The following OBSL1 variants were observed in gnomAD, a reference collection of about 807,000 sequenced individuals.
The protein encoded by OBSL1 is obscurin like cytoskeletal adaptor 1.
OBSL1 carries 160 observed loss-of-function variants against 172.0 expected under a neutral mutation model. The ratio of observed to expected loss-of-function variants is 0.93; its 90% CI spans 0.82 to 1.06. The LOEUF is 1.06. Ranked by LOEUF, OBSL1 falls within the 50% of genes least tolerant of loss-of-function variation. The pLI, the probability that OBSL1 is intolerant of heterozygous loss-of-function variation, is 0.00. For synonymous variants in OBSL1, 1,200 were observed against 1,196.3 expected (o/e 1.00, Z -0.06); for missense variants, 2,681 against 2,715.4 (o/e 0.99, Z 0.28).
chr2:219,560,472 C>T (rs1696375061), intron 8 of OBSL1, among the ~76,000 whole-genome samples: 2 of 152,210 alleles, frequency 1.3e-5, no homozygotes, highest in Admixed American at 1.3e-4. Flanking sequence ...GCGCATGGAG[C>T]CCAGGCCTGC....
intron 14 of OBSL1, chr2:219,555,794 C>G: frequency 7.2e-7 from 1 of 1,386,698 alleles, no homozygotes; most frequent in Non-Finnish European, 9.3e-7. Context: ...GCAAAGCCGA[C>G]TTGGAAATAT....
In OBSL1 at chr2:219,562,409, G is replaced by C. The variant is rs191906065; in HGVS notation, c.2946C>G (p.Thr982=). 6.2e-7 allele frequency: 1 copy of C among 1,613,434 alleles called. No individual in the cohort carries two copies. Among genetic ancestry groups the C allele is most frequent in the Non-Finnish European group, 8.5e-7 (1 of 1,179,600 alleles). Residue 982 remains threonine (T), a synonymous_variant, in exon 8 of 21, where the codon ACC becomes ACG. Coordinates refer to ENST00000404537, the MANE Select transcript of OBSL1 (RefSeq NM_015311.3). The part of the protein sequence containing the change: ...IDDESASFTV[T]VTEPPVRIIY... The stretch of plus-strand genomic sequence containing the variant: ...GCTGGGCTGGGCCCACACCTGTGAC[G>C]GTGACAGTGAAGGAGGCCGACTCAT...
At position 219,565,366 on chromosome 2, in the gene OBSL1, C is replaced by T. The variant is rs369804546; in HGVS notation, c.2283G>A (p.Leu761=). The T allele has an allele frequency of 2.4e-5, 38 of 1,613,930 alleles. No individual in the cohort carries two copies. Among genetic ancestry groups the T allele is most frequent in the Middle Eastern group, 3.3e-4 (2 of 6,084 alleles). Residue 761 remains leucine, a synonymous_variant, in exon 6 of 21, where the codon TTG becomes TTA. Coordinates refer to ENST00000404537, the MANE Select transcript of OBSL1 (RefSeq NM_015311.3). ...TGCGCCCATCCATCTTCACCACCAG[C>T]AACTCGCTCTCCTCCACCTTCTGCC... ...KDGQKVEESE[L]LVVKMDGRKH... is the part of the protein sequence containing the mutation.
chr2:219,552,529 G>T lies in OBSL1; in HGVS notation c.5308+7C>A. 6.3e-7 allele frequency: 1 copy of T among 1,594,572 alleles called. No homozygotes were observed. ...AGGGGCCCGAAAGGGTAACCAGGCG[G>T]GCAGACCTTCCTGTCGGATGCGGAC... is the stretch of plus-strand genomic sequence containing the variant. On this transcript the variant is annotated splice_region_variant and intron_variant, in intron 18 of 20. Transcript: ENST00000404537.
Position 219,571,084 on chromosome 2 carries a change from T to C in OBSL1, c.149A>G (p.Gln50Arg). The C allele has an allele frequency of 6.8e-7, 1 of 1,469,168 alleles. No homozygotes were observed. Among genetic ancestry groups the C allele is most frequent in the South Asian group, 1.3e-5 (1 of 77,346 alleles). 91.0% of individuals were successfully genotyped at this position (1,469,168 alleles called of 1,614,324 possible). A position where few individuals can be genotyped will look rare whatever the true frequency, so the allele number is the denominator to read the frequency against. The change falls in exon 1 of 21, where the codon CAG (glutamine) becomes CGG (arginine). Residue 50 changes from glutamine (Q) to arginine (R), a missense_variant. Physicochemically the swap from Gln to Arg is conservative, Grantham distance 43 (BLOSUM62 1). Coordinates refer to ENST00000404537, the MANE Select transcript of OBSL1 (RefSeq NM_015311.3). ...CAGGCGTTCCGAGGCCGCCAGCTGC[T>C]GCCCGCCCTTCTCCCACACCACTAC... Reference protein sequence around the residue: ...PPVVVWEKGGQQLAASERLSF... With the variant: ...PPVVVWEKGGRQLAASERLSF...
chr2:219,549,847 G>A (rs374243531), downstream of OBSL1: 47 of 1,613,844 alleles, frequency 2.9e-5, no homozygotes, highest in African/African-American at 9.3e-5. Flanking sequence ...CCCCCAGTGC[G>A]GGTATAGCCA....
downstream of OBSL1, chr2:219,547,615 TG>T: frequency 6.6e-7 from 1 of 1,511,590 alleles, no homozygotes; most frequent in Non-Finnish European, 8.9e-7. Flanking sequence ...AGCTGAGTGC[TG>T]GGGCGAGCGC....
rs764291381 is a variant in OBSL1 at position 219,551,585 on chromosome 2, C to T, written c.5627G>A (p.Gly1876Asp). 1 of 1,607,992 alleles carries T rather than the reference C, an allele frequency of 6.2e-7. No homozygotes were observed. The highest frequency in any genetic ancestry group is 1.1e-5 in the South Asian group (1 of 89,730). Reference protein sequence around the residue: ...VIHDVRPEDQGTYCCQAGQDS... With the variant: ...VIHDVRPEDQDTYCCQAGQDS... ...CTGGCCGGCCTGGCAGCAGTAAGTG[C>T]CTTGGTCCTCAGGTCGAACGTCATG... is the stretch of plus-strand genomic sequence containing the variant. The change falls in exon 20 of 21, where the codon GGC (glycine) becomes GAC (aspartate). Residue 1876 changes from glycine (G) to aspartate (D), a missense_variant. Transcript: ENST00000404537.
chr2:219,566,840 G>C lies in OBSL1; in HGVS notation c.2124C>G (p.Leu708=), dbSNP rs749550223. 1.3e-6 allele frequency: 2 copies of C among 1,579,806 alleles called. No homozygotes were observed. Among genetic ancestry groups the C allele is most frequent in the Non-Finnish European group, 1.7e-6 (2 of 1,156,058 alleles). The part of the protein sequence containing the change: ...SCPGVQDSAA[L]TIQESPVHIL... ...CCCACTGGCACCAACCTTGGATTGT[G>C]AGGGCAGCTGAGTCCTGCACGCCGG... The change falls in exon 5 of 21, where the codon CTC becomes CTG. Residue 708 remains leucine, a synonymous_variant. Coordinates refer to ENST00000404537, the MANE Select transcript of OBSL1 (RefSeq NM_015311.3).
At chr2:219,566,357 C>T (rs546340754) in intron 5 of OBSL1, among the ~76,000 whole-genome samples, 102 of 150,890 alleles carry the variant, frequency 6.8e-4, no homozygotes, top group African/African-American at 2.3e-3. Context: ...CCAGCCTGGG[C>T]GACAGAGTGA....
intron 11 of OBSL1, 34 bp from the exon 12 acceptor site, chr2:219,557,652 A>G (rs1696128997): frequency 2.0e-6 from 3 of 1,512,078 alleles, no homozygotes; most frequent in Non-Finnish European, 2.7e-6. Flanking sequence ...ACTGGGAGGG[A>G]GAGGCTCAGG....
intron 14 of OBSL1, chr2:219,555,632 C>G: frequency 9.6e-7 from 1 of 1,038,110 alleles, no homozygotes; most frequent in Non-Finnish European, 1.2e-6. Context: ...TGCATGAGGT[C>G]ACATAGGAAA....
Position 219,559,388 on chromosome 2 carries a change from G to A in OBSL1, c.3063C>T (p.Arg1021=). 6.2e-7 allele frequency: 1 copy of A among 1,613,884 alleles called. No homozygotes were observed. The highest frequency in any genetic ancestry group is 8.5e-7 in the Non-Finnish European group (1 of 1,179,884). ...CCACTTCCAGCCCATCCTTGTACCA[G>A]CGCACAGGGGCATCCTCCCGAGACA... ...CELSREDAPV[R]WYKDGLEVEE... is the part of the protein sequence containing the mutation. Residue 1021 remains arginine (R), a synonymous_variant, in exon 9 of 21, where the codon CGC becomes CGT. Coordinates refer to ENST00000404537, the MANE Select transcript of OBSL1 (RefSeq NM_015311.3).
downstream of OBSL1, chr2:219,550,609 T>A (rs936457803): frequency 8.7e-6 from 5 of 572,332 alleles, no homozygotes; most frequent in South Asian, 4.7e-5. Flanking sequence ...TGGTCTTTGG[T>A]GGCTGGCACT....
rs1459290686 is a variant in OBSL1, at chr2:219,559,491, G to C, written c.2960C>G (p.Pro987Arg). Residue 987 changes from proline to arginine, a missense_variant, in exon 9 of 21, where the codon CCA becomes CGA. Pro to Arg is a moderately radical substitution (Grantham distance 103, BLOSUM62 -2). Coordinates refer to ENST00000404537, the MANE Select transcript of OBSL1 (RefSeq NM_015311.3). ...ATCGCGAGGGTATATGATCCGCACT[G>C]GGGGTTCTGCAGGGTGGGGACAACC... is the stretch of plus-strand genomic sequence containing the variant. Reference protein sequence around the residue: ...ASFTVTVTEPPVRIIYPRDEV... With the variant: ...ASFTVTVTEPRVRIIYPRDEV... 6.2e-7 allele frequency: 1 copy of C among 1,608,140 alleles called. No homozygotes were observed. Among genetic ancestry groups the C allele is most frequent in the Non-Finnish European group, 8.5e-7 (1 of 1,175,132 alleles).
At chr2:219,554,281 C>T (rs1193952360) in intron 15 of OBSL1, 193 bp downstream of exon 15, 3 of 679,560 alleles carry the variant, frequency 4.4e-6, no homozygotes, top group Non-Finnish European at 7.4e-6. Flanking sequence ...AGGGGCCACA[C>T]CCAGGCAGAG....
rs368672930 is a variant in OBSL1, at chr2:219,567,507, G to C, written c.1603C>G (p.Leu535Val). 4 of 1,613,460 alleles carry C rather than the reference G, an allele frequency of 2.5e-6. No individual in the cohort carries two copies. In the African/African-American group the frequency reaches 4.0e-5, roughly 16 times the overall value. Residue 535 changes from leucine (L) to valine (V), a missense_variant, in exon 4 of 21, where the codon CTG becomes GTG. By Grantham distance (32) the Leu-to-Val change is conservative (BLOSUM62 1). Coordinates refer to ENST00000404537, the MANE Select transcript of OBSL1 (RefSeq NM_015311.3). ...EMFKGHKNTV[L>V]LTWKPPEPAP... is the part of the protein sequence containing the mutation. ...GGCTCGGGAGGCTTCCAGGTCAACA[G>C]GACCGTGTTCTTGTGGCCCTTGAAC...
At chr2:219,557,653 G>A (rs1166856075) in intron 11 of OBSL1, 35 bp from the exon 12 acceptor site, 1 of 1,511,286 alleles carries the variant, frequency 6.6e-7, no homozygotes, top group Non-Finnish European at 8.9e-7. Context: ...CTGGGAGGGA[G>A]AGGCTCAGGG....
chr2:219,549,059 A>C, downstream of OBSL1: 1 of 1,417,542 alleles, frequency 7.1e-7, no homozygotes, highest in Non-Finnish European at 9.8e-7. Flanking sequence ...GGAATCTGGA[A>C]GCCTAGAGCC....
Sources: gnomAD v4.1 joint callset for allele counts (sites outside exome capture counted in the v4.1 genomes callset) on GRCh38, gnomAD v4.1.1 for gene constraint, MANE v1.5 for transcripts, NCBI Gene and HGNC (gene_info 2026-07-23, HGNC 2026-07-21) for gene names.